Variants in NKAIN2 observed in about 807,000 individuals in gnomAD.
NKAIN2 encodes the protein sodium/potassium transporting ATPase interacting 2, also known as sodium/potassium-transporting ATPase subunit beta-1-interacting protein 2.
NKAIN2 carries 14 observed loss-of-function variants against 32.6 expected under a neutral mutation model. The observed-to-expected ratio is 0.43, with a 90% confidence interval of 0.28 to 0.67. NKAIN2 has a LOEUF of 0.67. Among genes scored for constraint, NKAIN2 ranks in the 30% least tolerant of loss-of-function variants. The pLI is 0.17. For synonymous variants in NKAIN2, 80 were observed against 87.2 expected (o/e 0.92, Z 0.46); for missense variants, 198 against 258.3 (o/e 0.77, Z 1.60).
intron 5 of NKAIN2, among the ~76,000 whole-genome samples, chr6:124,796,525 C>A (rs1022240981): frequency 6.6e-6 from 1 of 152,126 alleles, no homozygotes; most frequent in Non-Finnish European, 1.5e-5. Context: ...ATAGATGCAG[C>A]TCACTGGCCC....
Position 124,246,060 on chromosome 6 carries a change from A to T in NKAIN2, c.55-36945A>T, listed in dbSNP as rs186567688. Among the ~76,000 whole-genome samples the T allele has an allele frequency of 2.3e-3, 348 of 151,920 alleles. 3 individuals carry two copies. The highest frequency in any genetic ancestry group is 7.9e-3 in the African/African-American group (326 of 41,468). On this transcript the variant is annotated intron_variant, in intron 1 of 6. Transcript: ENST00000368417. ...TTCTTCCCAGTATTTTACATTCAGC[A>T]CCCCTCCTCAAAGCGGTTTTTGTTT...
intron 1 of NKAIN2, among the ~76,000 whole-genome samples, chr6:123,914,539 G>C: frequency 6.6e-6 from 1 of 152,140 alleles, no homozygotes; most frequent in South Asian, 2.1e-4. Context: ...GAGCTTCAAC[G>C]TACAAACCTT....
chr6:124,749,507 C>G (rs1308678071), intron 4 of NKAIN2, among the ~76,000 whole-genome samples: 1 of 151,910 alleles, frequency 6.6e-6, no homozygotes, highest in East Asian at 1.9e-4. Flanking sequence ...ATGTTTTTAA[C>G]TTTACATCAT....
chr6:123,902,873 A>T (rs1441714361), intron 1 of NKAIN2, among the ~76,000 whole-genome samples: 1 of 152,232 alleles, frequency 6.6e-6, no homozygotes, highest in African/African-American at 2.4e-5. Flanking sequence ...TAGTAGAGTG[A>T]ATAATATGAA....
intron 1 of NKAIN2, among the ~76,000 whole-genome samples, chr6:123,844,026 G>A (rs1449949416): frequency 6.6e-6 from 1 of 152,154 alleles, no homozygotes; most frequent in Non-Finnish European, 1.5e-5. Flanking sequence ...TGGAGGTTCT[G>A]TCATCAGGTA....
intron 1 of NKAIN2, among the ~76,000 whole-genome samples, chr6:124,252,903 A>G (rs1227137633): frequency 6.6e-6 from 1 of 152,206 alleles, no homozygotes; most frequent in Non-Finnish European, 1.5e-5. Flanking sequence ...AAAGCACTTA[A>G]AACAGTGCCT....
At chr6:124,091,285 A>G (rs1017714133) in intron 1 of NKAIN2, among the ~76,000 whole-genome samples, 2 of 152,006 alleles carry the variant, frequency 1.3e-5, no homozygotes, top group African/African-American at 2.4e-5. Flanking sequence ...TACAGCAGGC[A>G]CATGAAAACA....
intron 3 of NKAIN2, among the ~76,000 whole-genome samples, chr6:124,530,143 T>C (rs1779467767): frequency 6.6e-6 from 1 of 152,202 alleles, no homozygotes; most frequent in African/African-American, 2.4e-5. Flanking sequence ...AATCCACATA[T>C]AACTTTTAAC....
At chr6:124,390,474 C>T (rs1773094331) in intron 3 of NKAIN2, among the ~76,000 whole-genome samples, 1 of 152,114 alleles carries the variant, frequency 6.6e-6, no homozygotes, top group African/African-American at 2.4e-5. Context: ...TGAACACTAT[C>T]TGGCATGTGT....
At chr6:124,247,329 G>A (rs1272215054) in intron 1 of NKAIN2, among the ~76,000 whole-genome samples, 1 of 152,118 alleles carries the variant, frequency 6.6e-6, no homozygotes, top group Non-Finnish European at 1.5e-5. Context: ...TTTAAAAATT[G>A]CTTTTGCTTC....
chr6:123,835,765 C>T (rs147762824), intron 1 of NKAIN2, among the ~76,000 whole-genome samples: 57 of 152,206 alleles, frequency 3.7e-4, no homozygotes, highest in African/African-American at 1.3e-3. Context: ...AATGCTTTAT[C>T]GCGTGAAATG....
At chr6:124,729,547 T>G (rs1201011285) in intron 4 of NKAIN2, among the ~76,000 whole-genome samples, 2 of 151,702 alleles carry the variant, frequency 1.3e-5, no homozygotes, top group African/African-American at 4.8e-5. Flanking sequence ...TAGGTATTGA[T>G]GGGACATATT....
At chr6:124,331,122 G>A (rs182299678) in intron 2 of NKAIN2, among the ~76,000 whole-genome samples, 261 of 151,920 alleles carry the variant, frequency 1.7e-3, no homozygotes, top group African/African-American at 6.1e-3. Context: ...TACATATTTG[G>A]CACCCCAAAG....
At chr6:124,114,519 C>T (rs1785522360) in intron 1 of NKAIN2, among the ~76,000 whole-genome samples, 1 of 151,884 alleles carries the variant, frequency 6.6e-6, no homozygotes, top group Non-Finnish European at 1.5e-5. Context: ...AGGGAAATAT[C>T]TATTTGAAAA....
chr6:124,252,636 C>A lies in NKAIN2; in HGVS notation c.55-30369C>A, dbSNP rs11965346. Among the ~76,000 whole-genome samples, 1,227 of 152,188 alleles carry A rather than the reference C, an allele frequency of 8.1e-3. 14 individuals carry two copies. Among genetic ancestry groups the A allele is most frequent in the African/African-American group, 0.028 (1,159 of 41,552 alleles). ...AATATATAAAGACAAACCTAGGTGA[C>A]AATTAGACATTAGTTAAAGTATATT... is the stretch of plus-strand genomic sequence containing the variant. On this transcript the variant is annotated intron_variant, in intron 1 of 6. Coordinates refer to ENST00000368417, the MANE Select transcript of NKAIN2 (RefSeq NM_001040214.3).
At chr6:123,899,993 C>T (rs966334803) in intron 1 of NKAIN2, among the ~76,000 whole-genome samples, 63 of 152,098 alleles carry the variant, frequency 4.1e-4, no homozygotes, top group African/African-American at 1.5e-3. Context: ...ACCTGCTTAG[C>T]GAGGCTGGGC....
chr6:124,753,463 A>C (rs1024956137), intron 4 of NKAIN2, among the ~76,000 whole-genome samples: 3 of 152,070 alleles, frequency 2.0e-5, no homozygotes, highest in African/African-American at 7.2e-5. Context: ...CATTTACACT[A>C]AGATTCTTTT....
At chr6:124,378,124 G>A (rs1228198692) in intron 3 of NKAIN2, among the ~76,000 whole-genome samples, 2 of 152,064 alleles carry the variant, frequency 1.3e-5, no homozygotes, top group South Asian at 2.1e-4. Context: ...TACTGAAGGG[G>A]CCCCTGTGAA....
chr6:124,732,780 A>G (rs1776748314), intron 4 of NKAIN2, among the ~76,000 whole-genome samples: 1 of 152,026 alleles, frequency 6.6e-6, no homozygotes, highest in Non-Finnish European at 1.5e-5. Flanking sequence ...TTAGAAAACT[A>G]AACATAATTT....
Sources: gnomAD v4.1 joint callset for allele counts (sites outside exome capture counted in the v4.1 genomes callset) on GRCh38, gnomAD v4.1.1 for gene constraint, MANE v1.5 for transcripts, NCBI Gene and HGNC (gene_info 2026-07-23, HGNC 2026-07-21) for gene names.